The following FBXL17 variants were observed in gnomAD, a reference collection of about 807,000 sequenced individuals.
FBXL17 encodes F-box and leucine rich repeat protein 17, also known as F-box/LRR-repeat protein 17.
Under a neutral mutation model 66.2 loss-of-function variants are expected in FBXL17, and 22 were observed. That is an observed-to-expected ratio of 0.33 (90% CI 0.24 to 0.47). FBXL17 has a LOEUF of 0.47. Among genes scored for constraint, FBXL17 ranks in the 20% least tolerant of loss-of-function variants. The pLI is 1.00. For missense variants in FBXL17, 878 were observed against 948.2 expected (o/e 0.93, Z 0.97); for synonymous variants, 474 against 400.5 (o/e 1.18, Z -2.19).
rs55653715 is a variant in FBXL17, at chr5:108,055,608, C to CAAA, written c.1746-34610_1746-34608dup. On this transcript the variant is annotated intron_variant, in intron 6 of 8. Transcript: ENST00000542267. ...TGGGCGACACAGCGAGACTCTGTCT[C>CAAA]AAAAAAAAAAAAAAAAAAAAAAAGA... Among the ~76,000 whole-genome samples, 389 of 50,390 alleles carry CAAA rather than the reference C, an allele frequency of 7.7e-3. 8 individuals carry two copies. The highest frequency in any genetic ancestry group is 0.014 in the South Asian group (12 of 830). The allele number at this position is 50,390 out of a possible 152,430, so 33.1% of individuals were successfully genotyped here.
intron 4 of FBXL17, among the ~76,000 whole-genome samples, chr5:108,237,150 C>T (rs900519997): frequency 6.6e-6 from 1 of 152,174 alleles, no homozygotes; most frequent in African/African-American, 2.4e-5. Context: ...AATAAAGACA[C>T]ATTTATAGTG....
chr5:107,892,925 A>G (rs1282190967), intron 7 of FBXL17, among the ~76,000 whole-genome samples: 1 of 152,216 alleles, frequency 6.6e-6, no homozygotes, highest in Non-Finnish European at 1.5e-5. Flanking sequence ...AGATTAGAAT[A>G]CAGCAAATAA....
intron 6 of FBXL17, among the ~76,000 whole-genome samples, chr5:108,094,323 G>T (rs1749292905): frequency 6.6e-6 from 1 of 152,112 alleles, no homozygotes; most frequent in East Asian, 1.9e-4. Flanking sequence ...ATGTATCTTT[G>T]TATACCTTAT....
chr5:108,375,654 CAAAGA>C (rs1399229199), intron 1 of FBXL17, among the ~76,000 whole-genome samples: 1 of 152,004 alleles, frequency 6.6e-6, no homozygotes, highest in Non-Finnish European at 1.5e-5. Context: ...AAACTTACAA[CAAAGA>C]AAAGACAAGG....
Position 108,063,296 on chromosome 5 carries a change from C to A in FBXL17, c.1746-42295G>T, listed in dbSNP as rs913835787. 2.6e-5 allele frequency among the ~76,000 whole-genome samples: 4 copies of A among 152,168 alleles called. No individual in the cohort carries two copies. In the Middle Eastern group the frequency reaches 0.01, roughly 388 times the overall value. ...CAGTGGCAGTCTTATTTGGAGTGCTCCAAGAAAAGGAGACACCATAGTGTC... is the reference window on the plus strand; with the variant it reads ...CAGTGGCAGTCTTATTTGGAGTGCTACAAGAAAAGGAGACACCATAGTGTC... On this transcript the variant is annotated intron_variant, in intron 6 of 8. Coordinates refer to ENST00000542267, the MANE Select transcript of FBXL17 (RefSeq NM_001163315.3).
chr5:107,888,337 T>C (rs147798323), intron 7 of FBXL17, among the ~76,000 whole-genome samples: 43 of 152,286 alleles, frequency 2.8e-4, no homozygotes, highest in African/African-American at 9.9e-4. Flanking sequence ...GAAAATCAAG[T>C]GTCACTCATT....
chr5:107,908,013 T>C (rs1252079331), intron 7 of FBXL17, among the ~76,000 whole-genome samples: 1 of 152,176 alleles, frequency 6.6e-6, no homozygotes, highest in Non-Finnish European at 1.5e-5. Flanking sequence ...TATTGTGGCA[T>C]TATTCACAAC....
At chr5:108,380,613 C>T in intron 1 of FBXL17, 86 bp downstream of exon 1, 1 of 879,932 alleles carries the variant, frequency 1.1e-6, no homozygotes, top group Non-Finnish European at 1.5e-6. Flanking sequence ...CTCCTCCGCG[C>T]TTAGGGGGAG....
At chr5:108,337,133 G>A (rs1760422992) in intron 4 of FBXL17, among the ~76,000 whole-genome samples, 1 of 151,810 alleles carries the variant, frequency 6.6e-6, no homozygotes, top group Non-Finnish European at 1.5e-5. Flanking sequence ...GTGCACGCCT[G>A]TAGTCCCAGC....
At chr5:108,342,186 T>C (rs1746932250) in intron 4 of FBXL17, among the ~76,000 whole-genome samples, 2 of 152,180 alleles carry the variant, frequency 1.3e-5, no homozygotes, top group South Asian at 2.1e-4. Flanking sequence ...AAAATTGCCA[T>C]TAAATCTTCT....
At chr5:108,007,827 T>A (rs571725106) in intron 7 of FBXL17, among the ~76,000 whole-genome samples, 1 of 152,122 alleles carries the variant, frequency 6.6e-6, no homozygotes, top group East Asian at 1.9e-4. Context: ...CCACATAATG[T>A]AGAGTATGTG....
chr5:108,006,398 G>A (rs1393203300), intron 7 of FBXL17, among the ~76,000 whole-genome samples: 5 of 152,172 alleles, frequency 3.3e-5, no homozygotes, highest in African/African-American at 1.2e-4. Flanking sequence ...GCTTGCAAAT[G>A]GATGTGATGA....
chr5:108,082,606 T>C (rs1408875180), intron 6 of FBXL17, among the ~76,000 whole-genome samples: 1 of 146,382 alleles, frequency 6.8e-6, no homozygotes, highest in Non-Finnish European at 1.5e-5. Flanking sequence ...TTTCCAGTCC[T>C]GGAAATAATC....
rs1002797921 is a variant in FBXL17 at position 108,205,602 on chromosome 5, T to C, written c.1614+18519A>G. Among the ~76,000 whole-genome samples the C allele has an allele frequency of 2.0e-5, 3 of 152,276 alleles. No homozygotes were observed. The East Asian group carries it at 5.8e-4, about 29-fold the overall frequency. ...ATGTTTTTTCCTTAGAGAAACTGGG[T>C]CATTTGCGTTAGACAAATCTAGATT... On this transcript the variant is annotated intron_variant, in intron 5 of 8. Coordinates refer to ENST00000542267, the MANE Select transcript of FBXL17 (RefSeq NM_001163315.3).
intron 6 of FBXL17, among the ~76,000 whole-genome samples, chr5:108,133,231 C>G (rs1751004829): frequency 6.6e-6 from 1 of 152,124 alleles, no homozygotes; most frequent in South Asian, 2.1e-4. Flanking sequence ...ACCACCTCCT[C>G]TTTATCTTTT....
intron 6 of FBXL17, among the ~76,000 whole-genome samples, chr5:108,124,954 C>T (rs1203321901): frequency 1.3e-5 from 2 of 151,860 alleles, no homozygotes; most frequent in East Asian, 1.9e-4. Flanking sequence ...GAAAGGAAAA[C>T]GACTAGGGCA....
intron 4 of FBXL17, among the ~76,000 whole-genome samples, chr5:108,313,061 A>C (rs558299742): frequency 6.6e-6 from 1 of 152,284 alleles, no homozygotes; most frequent in Admixed American, 6.5e-5. Context: ...TCCAATGTTC[A>C]AGCAGCTTTT....
Position 108,094,600 on chromosome 5 carries a change from A to G in FBXL17, c.1746-73599T>C, listed in dbSNP as rs184273782. 5.3e-5 allele frequency among the ~76,000 whole-genome samples: 8 copies of G among 152,252 alleles called. No individual in the cohort carries two copies. The East Asian group carries it at 1.5e-3, about 29-fold the overall frequency. On this transcript the variant is annotated intron_variant, in intron 6 of 8. Transcript: ENST00000542267. The stretch of plus-strand genomic sequence containing the variant: ...ACAACTTCCCCATTCATGTACAAAA[A>G]CAGGTCTGTGGACAAATAACATAAA...
intron 6 of FBXL17, among the ~76,000 whole-genome samples, chr5:108,172,570 G>A (rs1266020241): frequency 6.6e-6 from 1 of 152,124 alleles, no homozygotes; most frequent in Non-Finnish European, 1.5e-5. Context: ...AAGGACAAAA[G>A]TAGGTACTAG....
Sources: allele counts gnomAD v4.1 joint callset (sites outside exome capture counted in the v4.1 genomes callset), GRCh38; gene constraint gnomAD v4.1.1; transcripts MANE v1.5; gene names NCBI Gene and HGNC (gene_info 2026-07-23, HGNC 2026-07-21).